The following DLEC1 variants were observed in gnomAD, a reference collection of about 807,000 sequenced individuals.
DLEC1 encodes the protein DLEC1 cilia and flagella associated protein.
DLEC1 carries 146 observed loss-of-function variants against 198.1 expected under a neutral mutation model. The ratio of observed to expected loss-of-function variants is 0.74; its 90% CI spans 0.64 to 0.85. The LOEUF (loss-of-function observed/expected upper bound fraction) is 0.85. Ranked by LOEUF, DLEC1 falls within the 40% of genes least tolerant of loss-of-function variation. The pLI, the probability that DLEC1 is intolerant of heterozygous loss-of-function variation, is 0.00. For missense variants in DLEC1, 2,233 were observed against 2,220.0 expected (o/e 1.01, Z -0.12); for synonymous variants, 897 against 866.8 (o/e 1.03, Z -0.61).
intron 6 of DLEC1, among the ~76,000 whole-genome samples, chr3:38,082,579 A>T (rs552532324): frequency 8.9e-4 from 136 of 152,266 alleles, no homozygotes; most frequent in African/African-American, 3.2e-3. Context: ...GGGTGTGGAA[A>T]TAAGGGATTG....
intron 6 of DLEC1, among the ~76,000 whole-genome samples, chr3:38,077,846 CT>C (rs992436364): frequency 1.4e-4 from 21 of 152,064 alleles, no homozygotes; most frequent in Admixed American, 1.3e-3. Flanking sequence ...GGGAGGGGGC[CT>C]GAATAATCCC....
intron 19 of DLEC1, among the ~76,000 whole-genome samples, chr3:38,102,759 CAA>C (rs1275742534): frequency 2.0e-5 from 3 of 152,284 alleles, no homozygotes; most frequent in African/African-American, 7.2e-5. Context: ...CAGCCCTAAA[CAA>C]ACAGTGGAGA....
intron 2 of DLEC1, among the ~76,000 whole-genome samples, chr3:38,056,561 C>T (rs984231194): frequency 2.6e-5 from 4 of 152,166 alleles, no homozygotes; most frequent in Admixed American, 2.0e-4. Context: ...CTGCCCACCT[C>T]GGCCTCCCAA....
Position 38,116,678 on chromosome 3 carries a change from C to A in DLEC1, c.4062+20C>A, listed in dbSNP as rs374430206. The stretch of plus-strand genomic sequence containing the variant: ...TCATCAGTGAGCAGGGGTGGAGGGG[C>A]GGGGCAGGCTGGCCACTGAGGGCCA... On this transcript the variant is annotated intron_variant, in intron 28 of 36. Transcript: ENST00000308059. 6.2e-7 allele frequency: 1 copy of A among 1,612,900 alleles called. No individual in the cohort carries two copies. Among genetic ancestry groups the A allele is most frequent in the East Asian group, 2.2e-5 (1 of 44,850 alleles).
chr3:38,086,161 T>C, intron 8 of DLEC1, 80 bp from the exon 9 acceptor site: 2 of 1,517,230 alleles, frequency 1.3e-6, no homozygotes, highest in Non-Finnish European at 1.8e-6. Context: ...TCTCTGGCTG[T>C]ACCTCAGGAG....
chr3:38,078,855 G>T (rs1435141313), intron 6 of DLEC1, among the ~76,000 whole-genome samples: 1 of 152,206 alleles, frequency 6.6e-6, no homozygotes, highest in East Asian at 1.9e-4. Context: ...AAACAATTTG[G>T]TTGATAAGGC....
chr3:38,088,389 G>A lies in DLEC1; in HGVS notation c.1665+1G>A, dbSNP rs766569926. 3.1e-6 allele frequency: 5 copies of A among 1,609,856 alleles called. 1 individual carries two copies. The highest frequency in any genetic ancestry group is 2.2e-5 in the South Asian group (2 of 90,678). On this transcript the variant is annotated splice_donor_variant, in intron 10 of 36. Coordinates refer to ENST00000308059, the MANE Select transcript of DLEC1 (RefSeq NM_007335.4). LOFTEE classifies it high-confidence loss of function. ...CCCGGGACATGCTATATTAGTGGAG[G>A]TAGGTAATCAGACATTGGCATGTAT...
In DLEC1 at chr3:38,112,513, T is replaced by A. The variant is rs1021618355; in HGVS notation, c.3666+152T>A. 3.4e-6 allele frequency: 4 copies of A among 1,180,186 alleles called. No homozygotes were observed. The highest frequency in any genetic ancestry group is 3.6e-6 in the Non-Finnish European group (3 of 841,332). 73.1% of individuals were successfully genotyped at this position (1,180,186 alleles called of 1,614,324 possible). A position where few individuals can be genotyped will look rare whatever the true frequency, so the allele number is the denominator to read the frequency against. On this transcript the variant is annotated intron_variant, in intron 25 of 36. Transcript: ENST00000308059. This position sits in a 1 kb window ranked among gnomAD's most constrained non-coding sequence, Gnocchi z 4.8. ...CCACCGAGCTTGGGATGGGCATTCG[T>A]GTCTGAGGCAGCCTCTGGGGTTCTG...
rs374150007 is a variant in DLEC1 at position 38,085,242 on chromosome 3, G to A, written c.1262-32G>A. ...AAGCCCTGGTGGCTGGCTGCTCCCA[G>A]GATCCTCACTTGTCACTTTTGTCAT... is the stretch of plus-strand genomic sequence containing the variant. On this transcript the variant is annotated intron_variant, in intron 7 of 36. Transcript: ENST00000308059. 65 of 1,613,574 alleles carry A rather than the reference G, an allele frequency of 4.0e-5. 1 individual carries two copies. The African/African-American group carries it at 6.9e-4, about 17-fold the overall frequency.
At chr3:38,066,777 C>G (rs1190492614) in intron 6 of DLEC1, among the ~76,000 whole-genome samples, 2 of 152,180 alleles carry the variant, frequency 1.3e-5, no homozygotes. Context: ...CTCAACCACT[C>G]ATGGCAAAAA....
At chr3:38,115,453 G>A (rs979743407) in intron 27 of DLEC1, among the ~76,000 whole-genome samples, 10 of 152,146 alleles carry the variant, frequency 6.6e-5, no homozygotes, top group East Asian at 1.9e-4. Context: ...CTGGGGGAAC[G>A]TGTTGAAGGG....
At position 38,039,277 on chromosome 3, in the gene DLEC1, G is replaced by A; in HGVS notation, c.52G>A (p.Glu18Lys). 6.2e-7 allele frequency: 1 copy of A among 1,613,994 alleles called. No individual in the cohort carries two copies. Among genetic ancestry groups the A allele is most frequent in the Non-Finnish European group, 8.5e-7 (1 of 1,179,924 alleles). The change falls in exon 1 of 37, where the codon GAG becomes AAG. Residue 18 changes from glutamate to lysine, a missense_variant. Physicochemically the swap from Glu to Lys is moderately conservative, Grantham distance 56 (BLOSUM62 1). Transcript: ENST00000308059. ...GAGGTCTTTAGCGTCCCGGACCAAC[G>A]AGTGCCAGGGGACAATGTGGGCGCC... ...TRRSLASRTN[E>K]CQGTMWAPTS...
At chr3:38,079,656 C>T (rs1426743539) in intron 6 of DLEC1, among the ~76,000 whole-genome samples, 2 of 152,154 alleles carry the variant, frequency 1.3e-5, no homozygotes, top group Admixed American at 1.3e-4. Context: ...CCAGTGGGGT[C>T]CCACACAGAT....
At chr3:38,065,636 T>C (rs1696988899) in intron 6 of DLEC1, among the ~76,000 whole-genome samples, 1 of 152,222 alleles carries the variant, frequency 6.6e-6, no homozygotes, top group Non-Finnish European at 1.5e-5. Context: ...CTTCAGTTAA[T>C]ACATCAATTA....
At position 38,114,437 on chromosome 3, in the gene DLEC1, G is replaced by A. The variant is rs1700045293; in HGVS notation, c.3762G>A (p.Gln1254=). The A allele has an allele frequency of 1.2e-6, 2 of 1,614,240 alleles. No homozygotes were observed. The highest frequency in any genetic ancestry group is 1.7e-6 in the Non-Finnish European group (2 of 1,180,034). ...GGACCACCTCCTACACTATTGACCA[G>A]GCCCAGAAGGAACCAGCCATGAGGT... ...SLRTTSYTID[Q]AQKEPAMRFG... is the part of the protein sequence containing the mutation. Residue 1254 remains glutamine, a synonymous_variant, in exon 26 of 37, where the codon CAG becomes CAA. Transcript: ENST00000308059.
chr3:38,052,869 C>T (rs951145293), intron 2 of DLEC1, among the ~76,000 whole-genome samples: 7 of 152,156 alleles, frequency 4.6e-5, no homozygotes, highest in East Asian at 1.9e-4. Flanking sequence ...GCCGCCATCT[C>T]GGCTCACTGC....
chr3:38,084,461 AATAGTAGTG>A (rs1346318809), intron 7 of DLEC1, among the ~76,000 whole-genome samples: 1 of 404 alleles, frequency 2.5e-3, no homozygotes, highest in Admixed American at 0.021. Context: ...TGGTAGTAGT[AATAGTAGTG>A]GTGGTGGTGG....
At position 38,062,663 on chromosome 3, in the gene DLEC1, G is replaced by A. The variant is rs1696755852; in HGVS notation, c.956G>A (p.Arg319Lys). 2.5e-6 allele frequency: 4 copies of A among 1,614,100 alleles called. No individual in the cohort carries two copies. Among genetic ancestry groups the A allele is most frequent in the Non-Finnish European group, 3.4e-6 (4 of 1,180,020 alleles). The change falls in exon 5 of 37, where the codon AGA becomes AAA. Residue 319 changes from arginine (R) to lysine (K), a missense_variant. Coordinates refer to ENST00000308059, the MANE Select transcript of DLEC1 (RefSeq NM_007335.4). ...QRELDRLLLARMESRNHFLKN... is the reference protein window; with the variant it reads ...QRELDRLLLAKMESRNHFLKN... ...GAGCTAGACAGACTTCTGCTTGCCAGAATGGAGAGTCGGAACCACTTCCTA... is the reference window on the plus strand; with the variant it reads ...GAGCTAGACAGACTTCTGCTTGCCAAAATGGAGAGTCGGAACCACTTCCTA...
At position 38,085,431 on chromosome 3, in the gene DLEC1, G is replaced by A. The variant is rs772656435; in HGVS notation, c.1419G>A (p.Pro473=). ...TGATCCCCCTGCAGGCCCGGAGGCC[G>A]CCCCCCGTGCTGACATGTGAGTGTG... ...TLLIPLQARR[P]PPVLTLSPVL... The change falls in exon 8 of 37, where the codon CCG becomes CCA. Residue 473 remains proline, a synonymous_variant. Coordinates refer to ENST00000308059, the MANE Select transcript of DLEC1 (RefSeq NM_007335.4). 6.8e-6 allele frequency: 11 copies of A among 1,613,766 alleles called. No individual in the cohort carries two copies. Among genetic ancestry groups the A allele is most frequent in the East Asian group, 2.2e-5 (1 of 44,872 alleles).
Sources: gnomAD v4.1 joint callset for allele counts (sites outside exome capture counted in the v4.1 genomes callset) on GRCh38, gnomAD v4.1.1 for gene constraint, Gnocchi (gnomAD v3.1) non-coding constraint, MANE v1.5 for transcripts, NCBI Gene and HGNC (gene_info 2026-07-23, HGNC 2026-07-21) for gene names.